The following ZFAND3 variants were observed in gnomAD, a reference collection of about 807,000 sequenced individuals.
The protein encoded by ZFAND3 is zinc finger AN1-type containing 3.
ZFAND3 carries 10 observed loss-of-function variants against 29.6 expected under a neutral mutation model. The observed-to-expected ratio is 0.34, with a 90% CI of 0.21 to 0.57. The LOEUF is 0.57. ZFAND3 is among the 20% of genes least tolerant of loss of function. The pLI is 0.86. For missense variants in ZFAND3, 230 were observed against 304.5 expected (o/e 0.76, Z 1.82); for synonymous variants, 128 against 112.6 (o/e 1.14, Z -0.87).
chr6:37,886,237 CAAAAAAAAAAAAAAA>C (rs55661554), intron 1 of ZFAND3, among the ~76,000 whole-genome samples: 18 of 95,302 alleles, frequency 1.9e-4, no homozygotes, highest in African/African-American at 5.7e-4. Flanking sequence ...GACTCTGTCT[CAAAAAAAAAAAAAAA>C]AAAAAAAAAA....
chr6:38,055,138 AATTTTT>A (rs1291614813), intron 2 of ZFAND3, among the ~76,000 whole-genome samples: 1 of 152,176 alleles, frequency 6.6e-6, no homozygotes, highest in Non-Finnish European at 1.5e-5. Context: ...ATGGGAAATG[AATTTTT>A]ATTTTTAAGT....
chr6:37,825,632 T>G (rs775760803), intron 1 of ZFAND3, among the ~76,000 whole-genome samples: 39 of 152,290 alleles, frequency 2.6e-4, no homozygotes, highest in Middle Eastern at 3.4e-3. Flanking sequence ...TCATCTTCTC[T>G]TCTCCATTTA....
chr6:38,085,400 A>G (rs1187323602), intron 4 of ZFAND3, among the ~76,000 whole-genome samples: 4 of 152,188 alleles, frequency 2.6e-5, no homozygotes, highest in African/African-American at 9.7e-5. Flanking sequence ...CTTGAGCTTA[A>G]TAATGATGTG....
chr6:37,888,492 G>A (rs959173175), intron 1 of ZFAND3, among the ~76,000 whole-genome samples: 1 of 151,912 alleles, frequency 6.6e-6, no homozygotes. Context: ...CACTTAATTT[G>A]GATTGTATGT....
intron 1 of ZFAND3, among the ~76,000 whole-genome samples, chr6:37,839,939 G>A (rs936819792): frequency 6.6e-6 from 1 of 152,128 alleles, no homozygotes; most frequent in Non-Finnish European, 1.5e-5. Flanking sequence ...GAGCACAAAA[G>A]TTTTAATTTT....
intron 5 of ZFAND3, among the ~76,000 whole-genome samples, chr6:38,118,023 G>T (rs1223665586): frequency 6.6e-6 from 1 of 152,228 alleles, no homozygotes; most frequent in Non-Finnish European, 1.5e-5. Context: ...CCAGCATGGG[G>T]AGTCTAAATG....
At chr6:37,957,975 G>C (rs1223986438) in intron 2 of ZFAND3, among the ~76,000 whole-genome samples, 1 of 152,140 alleles carries the variant, frequency 6.6e-6, no homozygotes, top group East Asian at 1.9e-4. Context: ...ATCAAATAGA[G>C]GGACTGGACC....
intron 2 of ZFAND3, among the ~76,000 whole-genome samples, chr6:38,025,609 G>A (rs1037757559): frequency 2.6e-5 from 4 of 152,086 alleles, no homozygotes; most frequent in African/African-American, 4.8e-5. Context: ...TTAAACAGAA[G>A]ACTAGTTTGG....
chr6:37,940,525 A>G (rs1761792728), intron 2 of ZFAND3, among the ~76,000 whole-genome samples: 1 of 152,196 alleles, frequency 6.6e-6, no homozygotes, highest in Admixed American at 6.5e-5. Context: ...ATCTAACTGT[A>G]TGTTAACAGT....
At position 38,147,404 on chromosome 6, in the gene ZFAND3, G is replaced by A. The variant is rs529151894; in HGVS notation, c.530-4831G>A. ...CCATTCATCCCTTGATGGACACTGA[G>A]GTTGATTTCATATCTTTGCTTTTGT... On this transcript the variant is annotated intron_variant, in intron 5 of 5. Transcript: ENST00000287218. 5.9e-5 allele frequency among the ~76,000 whole-genome samples: 9 copies of A among 152,334 alleles called. No homozygotes were observed. The South Asian group carries it at 1.0e-3, about 18-fold the overall frequency.
At chr6:37,934,658 G>A (rs1295820435) in intron 2 of ZFAND3, among the ~76,000 whole-genome samples, 1 of 151,458 alleles carries the variant, frequency 6.6e-6, no homozygotes, top group Non-Finnish European at 1.5e-5. Context: ...CCAACATGGT[G>A]AAACCCTGTC....
chr6:38,069,579 CT>C (rs1377391243), intron 3 of ZFAND3, among the ~76,000 whole-genome samples: 8 of 152,130 alleles, frequency 5.3e-5, no homozygotes, highest in African/African-American at 1.7e-4. Flanking sequence ...AAGCATGCTG[CT>C]TTTATTAGGG....
chr6:38,145,266 G>A lies in ZFAND3; in HGVS notation c.530-6969G>A, dbSNP rs150483793. Among the ~76,000 whole-genome samples the A allele has an allele frequency of 2.6e-3, 392 of 152,346 alleles. 1 individual carries two copies. The highest frequency in any genetic ancestry group is 3.2e-3 in the Non-Finnish European group (215 of 68,036). On this transcript the variant is annotated intron_variant, in intron 5 of 5. Transcript: ENST00000287218. Reference sequence around the variant, plus strand: ...GTGCCTAGCCTGCCAGCATTGTCGAGAGGTAAAGAACACAGAACACACACC... The same window carrying A: ...GTGCCTAGCCTGCCAGCATTGTCGAAAGGTAAAGAACACAGAACACACACC...
intron 4 of ZFAND3, among the ~76,000 whole-genome samples, chr6:38,100,377 A>G (rs1765069365): frequency 6.6e-6 from 1 of 152,220 alleles, no homozygotes; most frequent in African/African-American, 2.4e-5. Context: ...ACCTATTTCT[A>G]GAAGATTAAA....
chr6:38,149,387 G>C lies in ZFAND3; in HGVS notation c.530-2848G>C, dbSNP rs956469736. ...GGATCGCACCACAGCGCTCCAGCCT[G>C]GTGACAGAGCAAGACCCTGTCTCAA... is the stretch of plus-strand genomic sequence containing the variant. On this transcript the variant is annotated intron_variant, in intron 5 of 5. Coordinates refer to ENST00000287218, the MANE Select transcript of ZFAND3 (RefSeq NM_021943.3). 2.7e-5 allele frequency among the ~76,000 whole-genome samples: 4 copies of C among 149,640 alleles called. No individual in the cohort carries two copies. In the South Asian group the frequency reaches 8.6e-4, roughly 32 times the overall value.
intron 5 of ZFAND3, among the ~76,000 whole-genome samples, chr6:38,119,379 G>C (rs1419888406): frequency 1.3e-5 from 2 of 152,180 alleles, no homozygotes; most frequent in African/African-American, 2.4e-5. Context: ...CAGGAAGGTA[G>C]TTTGAGCTCA....
intron 5 of ZFAND3, 125 bp from the exon 6 acceptor site, chr6:38,152,110 C>A: frequency 1.1e-6 from 1 of 902,776 alleles, no homozygotes; most frequent in Non-Finnish European, 1.6e-6. Flanking sequence ...TCAGGAACCC[C>A]TGCAGTGAGT....
intron 2 of ZFAND3, among the ~76,000 whole-genome samples, chr6:38,021,577 C>G (rs1028927369): frequency 6.6e-6 from 1 of 152,124 alleles, no homozygotes; most frequent in Non-Finnish European, 1.5e-5. Context: ...CAATCAGCAA[C>G]GAAATTTTCT....
intron 5 of ZFAND3, among the ~76,000 whole-genome samples, chr6:38,124,780 G>A (rs371530039): frequency 6.6e-6 from 1 of 152,250 alleles, no homozygotes; most frequent in African/African-American, 2.4e-5. Context: ...CGCAGTGGCG[G>A]GCTGAAGGGC....
Sources: allele counts gnomAD v4.1 joint callset (sites outside exome capture counted in the v4.1 genomes callset), GRCh38; gene constraint gnomAD v4.1.1; transcripts MANE v1.5; gene names NCBI Gene and HGNC (gene_info 2026-07-23, HGNC 2026-07-21).